The following SPATA17 variants were observed in gnomAD, a reference collection of about 807,000 sequenced individuals.
The protein encoded by SPATA17 is spermatogenesis-associated protein 17.
Under a neutral mutation model 62.2 loss-of-function variants are expected in SPATA17, and 53 were observed. The ratio of observed to expected loss-of-function variants is 0.85; its 90% CI spans 0.68 to 1.07. The LOEUF is 1.07. Ranked by LOEUF, SPATA17 falls within the 50% of genes least tolerant of loss-of-function variation. The probability of loss-of-function intolerance (pLI) is 0.00; values close to 1 mark genes in which losing one functional copy is unlikely to be tolerated. For synonymous variants in SPATA17, 146 were observed against 146.8 expected, an observed-to-expected ratio of 0.99 and a Z score of 0.04; for missense variants, 466 against 425.5, an observed-to-expected ratio of 1.10 and a Z score of -0.84.
rs777481856 is a variant in SPATA17 at position 217,801,792 on chromosome 1, C to T, written c.947C>T (p.Pro316Leu). Reference sequence around the variant, plus strand: ...ATGCATTTATCAAGCAAGTATGGTCCTATTTCTTACAAAGAACAATTCCGA... The same window carrying T: ...ATGCATTTATCAAGCAAGTATGGTCTTATTTCTTACAAAGAACAATTCCGA... ...PSMHLSSKYG[P>L]ISYKEQFRSE... is the part of the protein sequence containing the mutation. The change falls in exon 9 of 11, where the codon CCT becomes CTT. Residue 316 changes from proline (P) to leucine (L), a missense_variant. By Grantham distance (98) the Pro-to-Leu change is moderately conservative. Transcript: ENST00000366933. The T allele has an allele frequency of 1.9e-6, 3 of 1,611,416 alleles. No homozygotes were observed. Among genetic ancestry groups the T allele is most frequent in the Admixed American group, 1.7e-5 (1 of 59,540 alleles).
At chr1:217,704,297 G>C (rs534496482) in intron 5 of SPATA17, among the ~76,000 whole-genome samples, 143 of 125,176 alleles carry the variant, frequency 1.1e-3, no homozygotes, top group African/African-American at 4.2e-3. Flanking sequence ...AGGCCGGACT[G>C]CGGACTGCAG....
intron 5 of SPATA17, among the ~76,000 whole-genome samples, chr1:217,698,609 G>A (rs566410866): frequency 2.7e-5 from 4 of 150,180 alleles, no homozygotes; most frequent in Non-Finnish European, 5.9e-5. Flanking sequence ...GAAATTCTAT[G>A]TTAACTCAAT....
At chr1:217,850,862 T>C (rs1262757570) in intron 9 of SPATA17, among the ~76,000 whole-genome samples, 2 of 152,056 alleles carry the variant, frequency 1.3e-5, no homozygotes, top group Non-Finnish European at 1.5e-5. Context: ...AGATGAAATT[T>C]GCAGGGGGAA....
chr1:217,827,127 A>C (rs1675017647), intron 9 of SPATA17, among the ~76,000 whole-genome samples: 1 of 152,068 alleles, frequency 6.6e-6, no homozygotes, highest in African/African-American at 2.4e-5. Flanking sequence ...TTAGAATAAA[A>C]GCCATTTGGA....
intron 5 of SPATA17, 24 bp from the exon 6 acceptor site, chr1:217,741,951 T>C: frequency 6.2e-7 from 1 of 1,612,880 alleles, no homozygotes; most frequent in Admixed American, 1.7e-5. Context: ...GTATCATAAA[T>C]AACTGCAGAT....
At chr1:217,767,680 T>C (rs1673333447) in intron 6 of SPATA17, among the ~76,000 whole-genome samples, 1 of 152,210 alleles carries the variant, frequency 6.6e-6, no homozygotes, top group Non-Finnish European at 1.5e-5. Flanking sequence ...TCTTCATTTC[T>C]GCTACAGTGT....
At chr1:217,853,897 C>T (rs1266554742) in intron 9 of SPATA17, among the ~76,000 whole-genome samples, 1 of 151,998 alleles carries the variant, frequency 6.6e-6, no homozygotes, top group South Asian at 2.1e-4. Flanking sequence ...CAGCAGTACA[C>T]TTAGGGTTAT....
intron 9 of SPATA17, chr1:217,850,522 G>A (rs1239905929): frequency 6.4e-7 from 1 of 1,573,300 alleles, no homozygotes; most frequent in African/African-American, 1.4e-5. Context: ...TGCTGGTCGG[G>A]GAGGATGCCT....
chr1:217,814,616 G>A (rs950022805), intron 9 of SPATA17, among the ~76,000 whole-genome samples: 7 of 152,112 alleles, frequency 4.6e-5, no homozygotes, highest in Non-Finnish European at 8.8e-5. Context: ...GGGAGGCTGA[G>A]GCAGGAGGAT....
intron 9 of SPATA17, among the ~76,000 whole-genome samples, chr1:217,804,884 G>A (rs1674396888): frequency 6.6e-6 from 1 of 152,040 alleles, no homozygotes; most frequent in Non-Finnish European, 1.5e-5. Flanking sequence ...AAAGACAAAA[G>A]ATAATGTATT....
In SPATA17 at chr1:217,870,992, A is replaced by G. The variant is rs1176191963; in HGVS notation, c.*3973A>G. The stretch of plus-strand genomic sequence containing the variant: ...ATAGCAGATAAGCTAAGTCATTCTC[A>G]TAAAACACCATTTGTCATTTGAATG... On this transcript the variant is annotated 3_prime_UTR_variant, in exon 11 of 11. Transcript: ENST00000366933. The G allele has an allele frequency of 6.6e-6, 1 of 152,218 alleles. No individual in the cohort carries two copies. The highest frequency in any genetic ancestry group is 1.5e-5 in the Non-Finnish European group (1 of 68,032). The allele number at this position is 152,218 out of a possible 1,614,324, so 9.4% of individuals were successfully genotyped here.
At chr1:217,784,355 T>C (rs1462381464) in intron 8 of SPATA17, among the ~76,000 whole-genome samples, 1 of 152,202 alleles carries the variant, frequency 6.6e-6, no homozygotes, top group Non-Finnish European at 1.5e-5. Context: ...CAGCTTTTTA[T>C]TTCTAATGTT....
intron 9 of SPATA17, among the ~76,000 whole-genome samples, chr1:217,845,782 T>C (rs1213705767): frequency 6.6e-6 from 1 of 152,112 alleles, no homozygotes; most frequent in Non-Finnish European, 1.5e-5. Flanking sequence ...GACTTGCTGG[T>C]ATAAATTGTG....
intron 5 of SPATA17, among the ~76,000 whole-genome samples, chr1:217,712,356 C>A (rs1359483662): frequency 6.6e-6 from 1 of 152,078 alleles, no homozygotes; most frequent in Non-Finnish European, 1.5e-5. Flanking sequence ...GAACTCCCAA[C>A]CTCAGTTGAT....
intron 10 of SPATA17, among the ~76,000 whole-genome samples, chr1:217,863,416 C>A (rs1675938863): frequency 6.6e-6 from 1 of 152,100 alleles, no homozygotes; most frequent in Admixed American, 6.5e-5. Flanking sequence ...AGGCGTGAGC[C>A]ACCATGCGCG....
At chr1:217,834,825 A>G (rs1291833150) in intron 9 of SPATA17, among the ~76,000 whole-genome samples, 5 of 152,172 alleles carry the variant, frequency 3.3e-5, no homozygotes, top group Non-Finnish European at 7.4e-5. Context: ...AGGCCTTCAC[A>G]TTCACTTACC....
chr1:217,824,658 C>T (rs1383109479), intron 9 of SPATA17, among the ~76,000 whole-genome samples: 1 of 150,150 alleles, frequency 6.7e-6, no homozygotes, highest in African/African-American at 2.4e-5. Flanking sequence ...TATTCATGTA[C>T]TTTATACAAA....
intron 5 of SPATA17, among the ~76,000 whole-genome samples, chr1:217,741,462 T>C (rs1255827733): frequency 6.6e-6 from 1 of 152,194 alleles, no homozygotes; most frequent in Non-Finnish European, 1.5e-5. Context: ...ATATATGTAA[T>C]CTTATTGGTA....
At chr1:217,716,154 A>G (rs1022762198) in intron 5 of SPATA17, among the ~76,000 whole-genome samples, 1 of 152,230 alleles carries the variant, frequency 6.6e-6, no homozygotes, top group African/African-American at 2.4e-5. Flanking sequence ...ACCTAAAAAA[A>G]ATTGAGATCA....
Sources: gnomAD v4.1 joint callset for allele counts (sites outside exome capture counted in the v4.1 genomes callset) on GRCh38, gnomAD v4.1.1 for gene constraint, MANE v1.5 for transcripts, NCBI Gene and HGNC (gene_info 2026-07-23, HGNC 2026-07-21) for gene names.